The following WWOX variants were observed in gnomAD, a reference collection of about 807,000 sequenced individuals.
WWOX encodes the protein WW domain-containing oxidoreductase.
In WWOX, 69 loss-of-function variants were observed where a neutral mutation model predicts 46.2. The observed-to-expected ratio is 1.49, with a 90% CI of 1.23 to 1.82. WWOX has a LOEUF of 1.82. Ranked by LOEUF, WWOX falls within the 40% of genes most tolerant of loss-of-function variation. The pLI, the probability that WWOX is intolerant of heterozygous loss-of-function variation, is 0.00. For synonymous variants in WWOX, 359 were observed against 202.6 expected (o/e 1.77, Z -6.56); for missense variants, 919 against 542.6 (o/e 1.69, Z -6.89).
chr16:78,108,101 T>C lies in WWOX; in HGVS notation c.108-322T>C, dbSNP rs1368179312. On this transcript the variant is annotated intron_variant, in intron 1 of 8. Coordinates refer to ENST00000566780, the MANE Select transcript of WWOX (RefSeq NM_016373.4). ...GTGCCACTGTCCCCAGCTAATTTTG[T>C]ATTTTTGGTAGAGACAGGGTTTCAC... Among the ~76,000 whole-genome samples the C allele has an allele frequency of 2.6e-5, 4 of 151,726 alleles. No homozygotes were observed. The East Asian group carries it at 7.8e-4, about 29-fold the overall frequency.
At chr16:78,262,223 T>G (rs1347348289) in intron 5 of WWOX, among the ~76,000 whole-genome samples, 1 of 151,710 alleles carries the variant, frequency 6.6e-6, no homozygotes, top group Non-Finnish European at 1.5e-5. Flanking sequence ...TAATGGGGCA[T>G]CTGTCTTCAT....
intron 8 of WWOX, among the ~76,000 whole-genome samples, chr16:78,770,381 C>T (rs1283100587): frequency 6.6e-6 from 1 of 151,990 alleles, no homozygotes; most frequent in Non-Finnish European, 1.5e-5. Flanking sequence ...TCTAAAGAAT[C>T]CAAGAATACA....
At chr16:78,525,829 A>T (rs998299429) in intron 8 of WWOX, 1 of 131,324 alleles carries the variant, frequency 7.6e-6, no homozygotes, top group Non-Finnish European at 1.6e-5. Context: ...AAGTTTCAGA[A>T]AGATGCACAC....
chr16:78,360,241 A>G (rs2081381462), intron 5 of WWOX, among the ~76,000 whole-genome samples: 1 of 152,160 alleles, frequency 6.6e-6, no homozygotes. Context: ...CAGCCATTTC[A>G]CTGGTGTTCT....
chr16:78,630,483 A>C (rs1469275776), intron 8 of WWOX, among the ~76,000 whole-genome samples: 1 of 152,162 alleles, frequency 6.6e-6, no homozygotes. Context: ...ACTTCCAATA[A>C]AAACTGTGGA....
At chr16:79,184,833 G>C (rs534241338) in intron 8 of WWOX, among the ~76,000 whole-genome samples, 11 of 152,344 alleles carry the variant, frequency 7.2e-5, no homozygotes, top group Non-Finnish European at 1.5e-4. Flanking sequence ...GCTCTTGGCA[G>C]TGAGACAGTT....
chr16:78,507,616 C>T (rs1034263535), intron 8 of WWOX, among the ~76,000 whole-genome samples: 1 of 152,146 alleles, frequency 6.6e-6, no homozygotes, highest in African/African-American at 2.4e-5. Context: ...CATATCACCC[C>T]CATACTCGAC....
chr16:79,064,993 G>A (rs776999604), intron 8 of WWOX, among the ~76,000 whole-genome samples: 3 of 152,162 alleles, frequency 2.0e-5, no homozygotes, highest in South Asian at 2.1e-4. Context: ...GTGTGTGTGC[G>A]AAGGGTGAAT....
intron 8 of WWOX, among the ~76,000 whole-genome samples, chr16:78,695,035 C>T (rs1256245022): frequency 6.6e-6 from 1 of 152,142 alleles, no homozygotes; most frequent in African/African-American, 2.4e-5. Context: ...CTGCTTCTTT[C>T]AAATGCTCTT....
In WWOX at chr16:78,101,356, T is replaced by A. The variant is rs2031771588; in HGVS notation, c.107+1471T>A. Among the ~76,000 whole-genome samples the A allele has an allele frequency of 3.0e-5, 4 of 133,492 alleles. 2 individuals are homozygous for A. The Admixed American group carries it at 3.1e-4, about 10-fold the overall frequency. 87.6% of individuals were successfully genotyped at this position (133,492 alleles called of 152,430 possible). On this transcript the variant is annotated intron_variant, in intron 1 of 8. Coordinates refer to ENST00000566780, the MANE Select transcript of WWOX (RefSeq NM_016373.4). ...GCTACCGCTCCCGGCCTTTTTTTTTTTTTTTTTAAAGACAGGGTCTCGCTC... is the reference window on the plus strand; with the variant it reads ...GCTACCGCTCCCGGCCTTTTTTTTTATTTTTTTAAAGACAGGGTCTCGCTC...
chr16:78,280,681 A>G (rs2079661333), intron 5 of WWOX, among the ~76,000 whole-genome samples: 1 of 152,034 alleles, frequency 6.6e-6, no homozygotes, highest in Admixed American at 6.5e-5. Flanking sequence ...GAGGTGCCCC[A>G]CTTTTAACCC....
At chr16:78,486,895 A>G (rs1209424534) in intron 8 of WWOX, among the ~76,000 whole-genome samples, 1 of 152,108 alleles carries the variant, frequency 6.6e-6, no homozygotes, top group Non-Finnish European at 1.5e-5. Flanking sequence ...TTTAAATTGC[A>G]CCTTGGGTTC....
intron 8 of WWOX, among the ~76,000 whole-genome samples, chr16:78,823,433 G>T (rs1179390240): frequency 6.6e-6 from 1 of 152,178 alleles, no homozygotes; most frequent in Non-Finnish European, 1.5e-5. Flanking sequence ...AAATGTAAGG[G>T]AAGTCATCAT....
intron 5 of WWOX, among the ~76,000 whole-genome samples, chr16:78,240,476 G>A (rs760811354): frequency 1.3e-5 from 2 of 152,128 alleles, no homozygotes; most frequent in Non-Finnish European, 2.9e-5. Flanking sequence ...AACCTGGCAC[G>A]GTTTCCACAA....
At chr16:79,158,618 G>T (rs1172904230) in intron 8 of WWOX, among the ~76,000 whole-genome samples, 1 of 152,068 alleles carries the variant, frequency 6.6e-6, no homozygotes, top group Non-Finnish European at 1.5e-5. Context: ...CTGCATTCCC[G>T]CCTCAGGGCC....
At chr16:78,456,446 T>C (rs1241456044) in intron 8 of WWOX, among the ~76,000 whole-genome samples, 1 of 152,202 alleles carries the variant, frequency 6.6e-6, no homozygotes, top group East Asian at 1.9e-4. Flanking sequence ...ATATTTGATA[T>C]TTAAGATTGA....
chr16:78,677,465 C>T (rs2047628892), intron 8 of WWOX, among the ~76,000 whole-genome samples: 1 of 152,130 alleles, frequency 6.6e-6, no homozygotes, highest in African/African-American at 2.4e-5. Flanking sequence ...TTCGGATTTC[C>T]AGCTTCTTTC....
At chr16:78,329,894 G>A (rs1343270430) in intron 5 of WWOX, among the ~76,000 whole-genome samples, 2 of 151,772 alleles carry the variant, frequency 1.3e-5, no homozygotes, top group Admixed American at 1.3e-4. Flanking sequence ...CTACAGGCGT[G>A]TACCACCATG....
chr16:78,581,552 T>C (rs1356123691), intron 8 of WWOX, among the ~76,000 whole-genome samples: 1 of 152,206 alleles, frequency 6.6e-6, no homozygotes, highest in Non-Finnish European at 1.5e-5. Flanking sequence ...GTAATGATCT[T>C]TTTAGATTTA....
Sources: allele counts gnomAD v4.1 joint callset (sites outside exome capture counted in the v4.1 genomes callset), GRCh38; gene constraint gnomAD v4.1.1; transcripts MANE v1.5; gene names NCBI Gene and HGNC (gene_info 2026-07-23, HGNC 2026-07-21).